FGB: variants seen among roughly 807,000 people sequenced by gnomAD.
The protein encoded by FGB is fibrinogen beta chain.
In FGB, 25 loss-of-function variants were observed where a neutral mutation model predicts 57.9. The ratio of observed to expected loss-of-function variants is 0.43; its 90% CI spans 0.31 to 0.60. FGB has a LOEUF of 0.60. FGB is among the 20% of genes least tolerant of loss of function. The pLI is 0.08. For missense variants in FGB, 536 were observed against 598.4 expected, an observed-to-expected ratio of 0.90 and a Z score of 1.09; for synonymous variants, 203 against 199.2, an observed-to-expected ratio of 1.02 and a Z score of -0.16.
At chr4:154,570,273 T>C in intron 7 of FGB, 146 bp from the exon 8 acceptor site, 2 of 699,500 alleles carry the variant, frequency 2.9e-6, no homozygotes, top group Non-Finnish European at 5.2e-6. Flanking sequence ...AGGAGGTCTT[T>C]GGTGTATTAG....
chr4:154,563,132 G>C lies in FGB; in HGVS notation c.114G>C (p.Glu38Asp). Residue 38 changes from glutamate to aspartate, a missense_variant and splice_region_variant, in exon 1 of 8, where the codon GAG becomes GAC. Around this residue, in one of 3 missense-constraint regions of FGB, gnomAD observed 354 missense variants for 383.4 expected, o/e 0.92. Coordinates refer to ENST00000302068, the MANE Select transcript of FGB (RefSeq NM_005141.5). ...VKSQGVNDNE[E>D]GFFSARGHRP... Reference sequence around the variant, plus strand: ...CCCAAGGTGTCAACGACAATGAGGAGGTGAATTTTTTAAAGCATTATTATA... The same window carrying C: ...CCCAAGGTGTCAACGACAATGAGGACGTGAATTTTTTAAAGCATTATTATA... 1 of 1,386,744 alleles carries C rather than the reference G, an allele frequency of 7.2e-7. No homozygotes were observed. Among genetic ancestry groups the C allele is most frequent in the South Asian group, 1.3e-5 (1 of 79,818 alleles). The allele number at this position is 1,386,744 out of a possible 1,614,324, so 85.9% of individuals were successfully genotyped here. A position where few individuals can be genotyped will look rare whatever the true frequency, so the allele number is the denominator to read the frequency against.
chr4:154,566,473 T>C lies in FGB; in HGVS notation c.307-16T>C, dbSNP rs757471901. The C allele has an allele frequency of 6.7e-5, 108 of 1,613,586 alleles. No homozygotes were observed. Among genetic ancestry groups the C allele is most frequent in the Non-Finnish European group, 8.6e-5 (101 of 1,179,668 alleles). On this transcript the variant is annotated splice_polypyrimidine_tract_variant and intron_variant, in intron 2 of 7. Coordinates refer to ENST00000302068, the MANE Select transcript of FGB (RefSeq NM_005141.5). ...CAAATCCTTCATCTAATGCCTGCTA[T>C]TTTCTTTGTTTTTAGGGGGTGTTGT...
At position 154,565,968 on chromosome 4, in the gene FGB, C is replaced by A; in HGVS notation, c.275C>A (p.Ala92Asp). Residue 92 changes from alanine to aspartate, a missense_variant, in exon 2 of 8, where the codon GCT becomes GAT. By Grantham distance (126) the Ala-to-Asp change is moderately radical (BLOSUM62 -2). Around this residue, in one of 3 missense-constraint regions of FGB, gnomAD observed 354 missense variants for 383.4 expected, o/e 0.92. Coordinates refer to ENST00000302068, the MANE Select transcript of FGB (RefSeq NM_005141.5). Reference protein sequence around the residue: ...QKKVERKAPDAGGCLHADPDL... With the variant: ...QKKVERKAPDDGGCLHADPDL... ...AAAGTAGAAAGAAAAGCCCCTGATG[C>A]TGGAGGCTGTCTTCACGCTGACCCA... is the stretch of plus-strand genomic sequence containing the variant. 1 of 1,613,848 alleles carries A rather than the reference C, an allele frequency of 6.2e-7. No individual in the cohort carries two copies. The highest frequency in any genetic ancestry group is 8.5e-7 in the Non-Finnish European group (1 of 1,180,004).
rs1399023129 is a variant in FGB, at chr4:154,570,701, A to G, written c.*51A>G. 2.2e-6 allele frequency: 3 copies of G among 1,383,514 alleles called. No homozygotes were observed. The highest frequency in any genetic ancestry group is 2.4e-5 in the South Asian group (2 of 84,950). The allele number at this position is 1,383,514 out of a possible 1,614,324, so 85.7% of individuals were successfully genotyped here. On this transcript the variant is annotated 3_prime_UTR_variant, in exon 8 of 8. Transcript: ENST00000302068. The stretch of plus-strand genomic sequence containing the variant: ...TCTGTATGTGACAACATTTTTGTAC[A>G]TTATGTTATTGGAATTTTCTTTCAT...
In FGB at chr4:154,568,456, C is replaced by T. The variant is rs6054; in HGVS notation, c.794C>T (p.Pro265Leu). ...ATTCAACCTGACAGTTCTGTCAAAC[C>T]GTATAGAGTATACTGTGACATGAAT... The part of the protein sequence containing the change: ...YLIQPDSSVK[P>L]YRVYCDMNTE... The change falls in exon 5 of 8, where the codon CCG becomes CTG. Residue 265 changes from proline to leucine, a missense_variant. Physicochemically the swap from Pro to Leu is moderately conservative, Grantham distance 98. Transcript: ENST00000302068. 6,792 of 1,597,176 alleles carry T rather than the reference C, an allele frequency of 4.3e-3. 20 individuals are homozygous for T. The highest frequency in any genetic ancestry group is 5.5e-3 in the Non-Finnish European group (6,351 of 1,164,714).
chr4:154,571,862 A>G lies in FGB; in HGVS notation c.*1212A>G, dbSNP rs1730442743. On this transcript the variant is annotated 3_prime_UTR_variant, in exon 8 of 8. Coordinates refer to ENST00000302068, the MANE Select transcript of FGB (RefSeq NM_005141.5). ...ATTTTTATGGTACTTATTGTTCTTA[A>G]GCTTATCCTCTTAATCTTTTCATGT... Among the ~76,000 whole-genome samples the G allele has an allele frequency of 6.6e-6, 1 of 152,008 alleles. No homozygotes were observed. The highest frequency in any genetic ancestry group is 2.4e-5 in the African/African-American group (1 of 41,384).
chr4:154,570,397 C>A, intron 7 of FGB, 22 bp from the exon 8 acceptor site: 1 of 1,586,188 alleles, frequency 6.3e-7, no homozygotes, highest in Non-Finnish European at 8.7e-7. Context: ...TTTCTAATAA[C>A]GCCAAACACA....
At chr4:154,564,906 T>C (rs910624982) in intron 1 of FGB, among the ~76,000 whole-genome samples, 6 of 152,196 alleles carry the variant, frequency 3.9e-5, no homozygotes, top group Non-Finnish European at 8.8e-5. Context: ...TTATTTTAAA[T>C]ATAAGAAAAT....
At chr4:154,563,575 A>C (rs1578780641) in intron 1 of FGB, among the ~76,000 whole-genome samples, 2 of 151,916 alleles carry the variant, frequency 1.3e-5, no homozygotes, top group East Asian at 3.8e-4. Flanking sequence ...ATTGTTACTG[A>C]GATTACTATT....
chr4:154,572,192 T>C lies in FGB; in HGVS notation c.*1542T>C, dbSNP rs886059146. 1.3e-5 allele frequency among the ~76,000 whole-genome samples: 2 copies of C among 152,138 alleles called. No individual in the cohort carries two copies. The highest frequency in any genetic ancestry group is 4.8e-5 in the African/African-American group (2 of 41,422). On this transcript the variant is annotated 3_prime_UTR_variant, in exon 8 of 8. Coordinates refer to ENST00000302068, the MANE Select transcript of FGB (RefSeq NM_005141.5). ...TAACCTACATTTTTGTCACATTAAG[T>C]TTTTCCCCATTCCAGGACAGGTCAG... is the stretch of plus-strand genomic sequence containing the variant.
chr4:154,568,615 G>T, intron 5 of FGB, 121 bp downstream of exon 5: 1 of 681,858 alleles, frequency 1.5e-6, no homozygotes, highest in Non-Finnish European at 2.7e-6. Context: ...GGAGGCCAAA[G>T]TGGGCTGATA....
Position 154,569,228 on chromosome 4 carries a change from C to T in FGB, c.879C>T (p.Gly293=), listed in dbSNP as rs761932805. ...QNRQDGSVDF[G]RKWDPYKQGF... is the part of the protein sequence containing the mutation. ...GTCAAGACGGTAGTGTTGACTTTGG[C>T]AGGAAATGGGATCCATATAAACAGG... Residue 293 remains glycine (G), a synonymous_variant, in exon 6 of 8, where the codon GGC becomes GGT. Coordinates refer to ENST00000302068, the MANE Select transcript of FGB (RefSeq NM_005141.5). 11 of 1,613,866 alleles carry T rather than the reference C, an allele frequency of 6.8e-6. No homozygotes were observed. In the Admixed American group the frequency reaches 8.3e-5, roughly 12 times the overall value.
At chr4:154,562,981 G>C, upstream of FGB, 1 of 1,015,874 alleles carries the variant, frequency 9.8e-7, no homozygotes, top group Non-Finnish European at 1.5e-6. Context: ...AGAGGACTCA[G>C]ATATATATAG....
In FGB at chr4:154,570,741, T is replaced by C; in HGVS notation, c.*91T>C. 2.1e-6 allele frequency: 2 copies of C among 972,826 alleles called. No homozygotes were observed. The highest frequency in any genetic ancestry group is 3.3e-6 in the Non-Finnish European group (2 of 613,576). The allele number at this position is 972,826 out of a possible 1,614,324, so 60.3% of individuals were successfully genotyped here. A position where few individuals can be genotyped will look rare whatever the true frequency, so the allele number is the denominator to read the frequency against. On this transcript the variant is annotated 3_prime_UTR_variant, in exon 8 of 8. Transcript: ENST00000302068. ...TTTTCTTTCATACATTATATTCCTCTAAAACTCTCAAGCAGACGTGAGTGT... is the reference window on the plus strand; with the variant it reads ...TTTTCTTTCATACATTATATTCCTCCAAAACTCTCAAGCAGACGTGAGTGT...
chr4:154,570,527 G>GA lies in FGB; in HGVS notation c.1353_1354insA (p.Tyr452IlefsTer12). The GA allele has an allele frequency of 6.2e-7, 1 of 1,614,154 alleles. No homozygotes were observed. The highest frequency in any genetic ancestry group is 8.5e-7 in the Non-Finnish European group (1 of 1,179,998). On this transcript the variant is annotated frameshift_variant, in exon 8 of 8. Transcript: ENST00000302068. LOFTEE classifies it high-confidence loss of function. ...ACGGCAGATACTACTGGGGTGGACA[G>GA]TACACCTGGGACATGGCAAAGCATG...
rs963440099 is a variant in FGB at position 154,571,642 on chromosome 4, A to T, written c.*992A>T. Among the ~76,000 whole-genome samples, 1 of 152,136 alleles carries T rather than the reference A, an allele frequency of 6.6e-6. No homozygotes were observed. Among genetic ancestry groups the T allele is most frequent in the African/African-American group, 2.4e-5 (1 of 41,430 alleles). ...CAGAATATGCCTGTTGCCCATAGAA[A>T]CGAGGTCTATTCTTGTCCTCAATTA... is the stretch of plus-strand genomic sequence containing the variant. On this transcript the variant is annotated 3_prime_UTR_variant, in exon 8 of 8. Coordinates refer to ENST00000302068, the MANE Select transcript of FGB (RefSeq NM_005141.5).
At chr4:154,567,126 G>A (rs1730193694) in intron 3 of FGB, among the ~76,000 whole-genome samples, 2 of 152,178 alleles carry the variant, frequency 1.3e-5, no homozygotes, top group Non-Finnish European at 2.9e-5. Flanking sequence ...CGTGAGCCTG[G>A]CACAGGCATC....
At chr4:154,567,906 C>T (rs570962483) in intron 4 of FGB, 86 bp downstream of exon 4, 4 of 986,928 alleles carry the variant, frequency 4.1e-6, no homozygotes, top group African/African-American at 1.6e-5. Context: ...AACAAAAATG[C>T]TAAGTGGATT....
chr4:154,569,351 G>A, intron 6 of FGB, 44 bp downstream of exon 6: 2 of 1,612,622 alleles, frequency 1.2e-6, no homozygotes, highest in Non-Finnish European at 1.7e-6. Context: ...ATTTGAAATG[G>A]GATTTTTTTT....
Sources: allele counts gnomAD v4.1 joint callset (sites outside exome capture counted in the v4.1 genomes callset), GRCh38; gene constraint gnomAD v4.1.1; regional missense constraint gnomAD v4.1.1; transcripts MANE v1.5; gene names NCBI Gene and HGNC (gene_info 2026-07-23, HGNC 2026-07-21).